Variants in MBNL1 observed in about 807,000 individuals in gnomAD.
MBNL1 encodes muscleblind-like protein 1.
Under a neutral mutation model 42.2 loss-of-function variants are expected in MBNL1, and 8 were observed. The observed-to-expected ratio is 0.19, with a 90% CI of 0.11 to 0.34. The LOEUF is 0.34. Ranked by LOEUF, MBNL1 falls within the 10% of genes least tolerant of loss-of-function variation. The pLI is 1.00. For missense variants in MBNL1, 309 were observed against 495.3 expected, an observed-to-expected ratio of 0.62 and a Z score of 3.57; for synonymous variants, 169 against 173.9, an observed-to-expected ratio of 0.97 and a Z score of 0.22.
rs370931631 is a variant in MBNL1 at position 152,331,691 on chromosome 3, TATTG to T, written c.174+31346_174+31349del. ...CATTTACATGTATTACTTCAAATGT[TATTG>T]ATTGATTGATTGATTGATTGAGATG... is the stretch of plus-strand genomic sequence containing the variant. On this transcript the variant is annotated intron_variant, in intron 2 of 9. Transcript: ENST00000324210. Among the ~76,000 whole-genome samples, 115 of 152,200 alleles carry T rather than the reference TATTG, an allele frequency of 7.6e-4. No individual in the cohort carries two copies. The East Asian group carries it at 0.021, about 28-fold the overall frequency.
At chr3:152,461,717 T>C (rs898910054) in intron 9 of MBNL1, among the ~76,000 whole-genome samples, 2 of 152,226 alleles carry the variant, frequency 1.3e-5, no homozygotes, top group African/African-American at 4.8e-5. Context: ...TTAATATATG[T>C]AAATATTCGC....
Position 152,465,470 on chromosome 3 carries a change from A to C in MBNL1, c.*3104A>C, listed in dbSNP as rs1018612811. 3 of 152,644 alleles carry C rather than the reference A, an allele frequency of 2.0e-5. No individual in the cohort carries two copies. The highest frequency in any genetic ancestry group is 1.3e-4 in the Admixed American group (2 of 15,290). 9.5% of individuals were successfully genotyped at this position (152,644 alleles called of 1,614,324 possible). A position where few individuals can be genotyped will look rare whatever the true frequency, so the allele number is the denominator to read the frequency against. ...TGGTTTTAATTTTCAACTCAGAAGCACTCAAAAATGCAAAATGTGATAATG... is the reference window on the plus strand; with the variant it reads ...TGGTTTTAATTTTCAACTCAGAAGCCCTCAAAAATGCAAAATGTGATAATG... On this transcript the variant is annotated 3_prime_UTR_variant, in exon 10 of 10. Transcript: ENST00000324210.
rs1472259712 is a variant in MBNL1 at position 152,260,362 on chromosome 3, G to A, written n.333+15922G>A. 4.6e-5 allele frequency among the ~76,000 whole-genome samples: 7 copies of A among 152,132 alleles called. No individual in the cohort carries two copies. In the East Asian group the frequency reaches 5.8e-4, roughly 13 times the overall value. On this transcript the variant is annotated intron_variant and non_coding_transcript_variant, in intron 2 of 2. Coordinates refer to the MBNL1 transcript ENST00000477171. ...GCCAGGAGGGTCAACTGGACTGACG[G>A]CACATTCACGAAGGCCATAAACTAA... is the stretch of plus-strand genomic sequence containing the variant.
At chr3:152,311,661 A>C (rs2066562950) in intron 2 of MBNL1, among the ~76,000 whole-genome samples, 1 of 151,856 alleles carries the variant, frequency 6.6e-6, no homozygotes, top group South Asian at 2.1e-4. Context: ...TTTCATGTGA[A>C]TACATTAATT....
intron 2 of MBNL1, among the ~76,000 whole-genome samples, chr3:152,319,572 T>A (rs2074876817): frequency 6.6e-6 from 1 of 151,330 alleles, no homozygotes; most frequent in South Asian, 2.1e-4. Flanking sequence ...CTTTCTTGAC[T>A]GTTCTGAGGC....
chr3:152,401,411 T>A (rs1338981334), intron 2 of MBNL1, among the ~76,000 whole-genome samples: 1 of 152,194 alleles, frequency 6.6e-6, no homozygotes, highest in Non-Finnish European at 1.5e-5. Context: ...TTAAAATGAT[T>A]TACTTTTAAT....
chr3:152,433,664 G>A (rs1021723378), intron 4 of MBNL1, among the ~76,000 whole-genome samples: 3 of 151,426 alleles, frequency 2.0e-5, no homozygotes, highest in Non-Finnish European at 2.9e-5. Context: ...GCAGGAGAAT[G>A]GCGTGAACCC....
At chr3:152,325,492 A>G (rs1010846584) in intron 2 of MBNL1, among the ~76,000 whole-genome samples, 11 of 152,182 alleles carry the variant, frequency 7.2e-5, no homozygotes, top group African/African-American at 2.4e-4. Flanking sequence ...GGTTGAAGAG[A>G]TAATGCATAC....
At chr3:152,423,795 C>T (rs768060825) in intron 3 of MBNL1, among the ~76,000 whole-genome samples, 1 of 152,172 alleles carries the variant, frequency 6.6e-6, no homozygotes, top group Non-Finnish European at 1.5e-5. Context: ...AATCAATAAA[C>T]ATAATCCATC....
At chr3:152,279,495 TAA>T (rs1559983840) in intron 1 of MBNL1, among the ~76,000 whole-genome samples, 2 of 137,350 alleles carry the variant, frequency 1.5e-5, no homozygotes, top group African/African-American at 5.6e-5. Context: ...AAATTTTATT[TAA>T]AAGGCTGTCA....
chr3:152,325,746 A>T (rs2079423498), intron 2 of MBNL1, among the ~76,000 whole-genome samples: 1 of 134,962 alleles, frequency 7.4e-6, no homozygotes, highest in African/African-American at 2.7e-5. Context: ...TAGAAATATT[A>T]AAAAAAAAAA....
rs2093642863 is a variant in MBNL1 at position 152,343,163 on chromosome 3, A to G, written c.174+42796A>G. 2.6e-5 allele frequency among the ~76,000 whole-genome samples: 4 copies of G among 152,186 alleles called. No individual in the cohort carries two copies. The South Asian group carries it at 8.3e-4, about 32-fold the overall frequency. On this transcript the variant is annotated intron_variant, in intron 2 of 9. Coordinates refer to ENST00000324210, the MANE Select transcript of MBNL1 (RefSeq NM_021038.5). The stretch of plus-strand genomic sequence containing the variant: ...GTTGTACCTCCAGAGATGTGGGCAA[A>G]TTTTCTCAGTCTTGGCTTGATGTCA...
chr3:152,426,551 C>G (rs368714145), intron 3 of MBNL1, among the ~76,000 whole-genome samples: 115 of 152,282 alleles, frequency 7.6e-4, no homozygotes, highest in Admixed American at 3.0e-3. Context: ...AGCCAAGTGT[C>G]CTTCAGAAAT....
At chr3:152,332,731 T>TAC in intron 2 of MBNL1, among the ~76,000 whole-genome samples, 1 of 134,172 alleles carries the variant, frequency 7.5e-6, no homozygotes, top group African/African-American at 3.0e-5. Context: ...TGTGTGTGTG[T>TAC]GTGTGTGTGC....
chr3:152,349,510 A>G (rs1027646644), intron 2 of MBNL1, among the ~76,000 whole-genome samples: 5 of 152,164 alleles, frequency 3.3e-5, no homozygotes, highest in Admixed American at 2.0e-4. Flanking sequence ...ATGCTAGTGT[A>G]TAATTTTTCT....
intron 2 of MBNL1, among the ~76,000 whole-genome samples, chr3:152,356,706 G>A (rs1156918702): frequency 6.6e-6 from 1 of 152,138 alleles, no homozygotes; most frequent in Non-Finnish European, 1.5e-5. Flanking sequence ...CTGACCTCAT[G>A]ATCTGCCCAA....
intron 2 of MBNL1, among the ~76,000 whole-genome samples, chr3:152,328,550 AT>A (rs1342838055): frequency 1.3e-5 from 2 of 152,200 alleles, no homozygotes; most frequent in Non-Finnish European, 2.9e-5. Flanking sequence ...TTGACATATA[AT>A]TAAAATGTAT....
chr3:152,348,230 A>C (rs150237336), intron 2 of MBNL1, among the ~76,000 whole-genome samples: 84 of 152,274 alleles, frequency 5.5e-4, no homozygotes, highest in African/African-American at 1.5e-3. Context: ...TTTTTAACAG[A>C]TACTAGAGAA....
intron 1 of MBNL1, among the ~76,000 whole-genome samples, chr3:152,281,830 T>A (rs765447055): frequency 3.3e-5 from 5 of 152,068 alleles, no homozygotes; most frequent in Non-Finnish European, 5.9e-5. Flanking sequence ...TAGAAATCTG[T>A]TGCCAACATT....
Sources: allele counts gnomAD v4.1 joint callset (sites outside exome capture counted in the v4.1 genomes callset), GRCh38; gene constraint gnomAD v4.1.1; transcripts MANE v1.5; gene names NCBI Gene and HGNC (gene_info 2026-07-23, HGNC 2026-07-21).